Variants in NINL observed in about 807,000 individuals in gnomAD.
NINL encodes ninein like.
NINL carries 153 observed loss-of-function variants against 160.3 expected under a neutral mutation model. The observed-to-expected ratio is 0.95, with a 90% CI of 0.84 to 1.09. The LOEUF (loss-of-function observed/expected upper bound fraction) is 1.09, where lower values mean the gene tolerates loss of function less well. NINL is among the 50% of genes least tolerant of loss of function. The pLI is 0.00. For missense variants in NINL, 1,829 were observed against 1,764.0 expected, an observed-to-expected ratio of 1.04 and a Z score of -0.66; for synonymous variants, 800 against 734.8, an observed-to-expected ratio of 1.09 and a Z score of -1.43.
At chr20:25,539,175 C>A (rs528686046) in intron 1 of NINL, among the ~76,000 whole-genome samples, 49 of 152,314 alleles carry the variant, frequency 3.2e-4, no homozygotes, top group African/African-American at 1.1e-3. Flanking sequence ...GCTGGGACAG[C>A]AAAGATAAGG....
chr20:25,464,115 A>G (rs180785671), intron 19 of NINL, among the ~76,000 whole-genome samples: 48 of 152,278 alleles, frequency 3.2e-4, no homozygotes, highest in Non-Finnish European at 4.4e-4. Flanking sequence ...CACCTTTAAC[A>G]TTTAAACTCT....
intron 1 of NINL, among the ~76,000 whole-genome samples, chr20:25,550,655 C>T (rs1160825668): frequency 1.3e-5 from 2 of 152,078 alleles, no homozygotes; most frequent in African/African-American, 4.8e-5. Flanking sequence ...GGTGCTGTGC[C>T]TGGATGTGCA....
intron 13 of NINL, among the ~76,000 whole-genome samples, chr20:25,487,165 G>C (rs893552594): frequency 2.0e-5 from 3 of 152,146 alleles, no homozygotes; most frequent in African/African-American, 7.2e-5. Flanking sequence ...ATCATCACCC[G>C]TTCATATAGC....
chr20:25,575,577 C>T (rs1390809904), intron 1 of NINL, among the ~76,000 whole-genome samples: 3 of 151,940 alleles, frequency 2.0e-5, no homozygotes, highest in African/African-American at 2.4e-5. Flanking sequence ...ATGGTGAAAC[C>T]CCGTCTCTAC....
At chr20:25,463,286 C>T (rs779523542) in intron 19 of NINL, among the ~76,000 whole-genome samples, 10 of 152,006 alleles carry the variant, frequency 6.6e-5, no homozygotes, top group South Asian at 2.1e-4. Flanking sequence ...ATTTCCTCCA[C>T]GATTATTTTA....
intron 1 of NINL, among the ~76,000 whole-genome samples, chr20:25,530,668 G>A (rs1176330135): frequency 6.6e-6 from 1 of 152,098 alleles, no homozygotes; most frequent in Non-Finnish European, 1.5e-5. Context: ...GGCATCACAT[G>A]TTGGTAGGTT....
chr20:25,507,990 G>T (rs1486873384), intron 5 of NINL, among the ~76,000 whole-genome samples: 1 of 152,124 alleles, frequency 6.6e-6, no homozygotes, highest in African/African-American at 2.4e-5. Context: ...ACCTGGTTGG[G>T]GCAGAGAACA....
intron 1 of NINL, among the ~76,000 whole-genome samples, chr20:25,545,718 T>C (rs561985028): frequency 4.7e-4 from 71 of 152,204 alleles, no homozygotes; most frequent in Non-Finnish European, 8.2e-4. Context: ...ATAAGACAGA[T>C]AGCAAGCCCT....
Position 25,453,295 on chromosome 20 carries a change from G to A in NINL, c.*156C>T. On this transcript the variant is annotated 3_prime_UTR_variant, in exon 24 of 24. Coordinates refer to ENST00000278886, the MANE Select transcript of NINL (RefSeq NM_025176.6). ...CCAGCCCCCACCTCCATCTTGCCCA[G>A]GGCAGACCATTCATTAACTATCTGC... 1.6e-6 allele frequency: 1 copy of A among 621,288 alleles called. No homozygotes were observed. Among genetic ancestry groups the A allele is most frequent in the Non-Finnish European group, 2.6e-6 (1 of 383,914 alleles). The allele number at this position is 621,288 out of a possible 1,614,324, so 38.5% of individuals were successfully genotyped here. A position where few individuals can be genotyped will look rare whatever the true frequency, so the allele number is the denominator to read the frequency against.
In NINL at chr20:25,496,691, G is replaced by C; in HGVS notation, c.1282C>G (p.Leu428Val). Reference sequence around the variant, plus strand: ...ATTTTCTTCTCCGTGAGCTGCTCCAGGGTGGAGTGGCAGTCGTCCATCTCT... The same window carrying C: ...ATTTTCTTCTCCGTGAGCTGCTCCACGGTGGAGTGGCAGTCGTCCATCTCT... Reference protein sequence around the residue: ...VKEMDDCHSTLEQLTEKKIKH... With the variant: ...VKEMDDCHSTVEQLTEKKIKH... The change falls in exon 10 of 24, where the codon CTG becomes GTG. Residue 428 changes from leucine (L) to valine (V), a missense_variant. By Grantham distance (32) the Leu-to-Val change is conservative. Coordinates refer to ENST00000278886, the MANE Select transcript of NINL (RefSeq NM_025176.6). The C allele has an allele frequency of 6.2e-7, 1 of 1,614,112 alleles. No homozygotes were observed. Among genetic ancestry groups the C allele is most frequent in the South Asian group, 1.1e-5 (1 of 91,090 alleles).
chr20:25,552,980 G>A (rs1046534611), intron 1 of NINL, among the ~76,000 whole-genome samples: 15 of 152,210 alleles, frequency 9.9e-5, no homozygotes, highest in Non-Finnish European at 1.6e-4. Context: ...AGGCACTCAT[G>A]GAGTGGGGGT....
rs1016119079 is a variant in NINL at position 25,453,296 on chromosome 20, G to A, written c.*155C>T. ...CAGCCCCCACCTCCATCTTGCCCAG[G>A]GCAGACCATTCATTAACTATCTGCG... On this transcript the variant is annotated 3_prime_UTR_variant, in exon 24 of 24. Transcript: ENST00000278886. 3 of 622,980 alleles carry A rather than the reference G, an allele frequency of 4.8e-6. No individual in the cohort carries two copies. Among genetic ancestry groups the A allele is most frequent in the Non-Finnish European group, 5.2e-6 (2 of 385,500 alleles). The allele number at this position is 622,980 out of a possible 1,614,324, so 38.6% of individuals were successfully genotyped here. A position where few individuals can be genotyped will look rare whatever the true frequency, so the allele number is the denominator to read the frequency against.
At chr20:25,495,515 A>G (rs777366602) in intron 10 of NINL, among the ~76,000 whole-genome samples, 3 of 152,172 alleles carry the variant, frequency 2.0e-5, no homozygotes, top group Admixed American at 6.5e-5. Context: ...CGTGGGGACA[A>G]CAGGGCCAGG....
chr20:25,459,590 C>T (rs185125141), intron 21 of NINL, among the ~76,000 whole-genome samples: 65 of 152,276 alleles, frequency 4.3e-4, no homozygotes, highest in Admixed American at 3.8e-3. Flanking sequence ...TGCGGGACTC[C>T]CACGCATCAA....
intron 1 of NINL, among the ~76,000 whole-genome samples, chr20:25,570,428 GCT>G (rs886808043): frequency 1.6e-4 from 24 of 152,066 alleles, no homozygotes; most frequent in African/African-American, 5.1e-4. Flanking sequence ...CTCCTCGCTT[GCT>G]CTCTCATGCT....
chr20:25,458,389 T>C lies in NINL; in HGVS notation c.3837A>G (p.Ala1279=), dbSNP rs749018099. Residue 1279 remains alanine, a synonymous_variant, in exon 22 of 24, where the codon GCA becomes GCG. Transcript: ENST00000278886. Reference sequence around the variant, plus strand: ...TCGCTGCATCCCCACTTACCCGCTGTGCATCCAGGCGCCTCCTGGCCTGCT... The same window carrying C: ...TCGCTGCATCCCCACTTACCCGCTGCGCATCCAGGCGCCTCCTGGCCTGCT... ...QGEQARRRLD[A]QREEHEKQLK... is the part of the protein sequence containing the mutation. 1.2e-6 allele frequency: 2 copies of C among 1,606,356 alleles called. No homozygotes were observed. Among genetic ancestry groups the C allele is most frequent in the Non-Finnish European group, 1.7e-6 (2 of 1,179,978 alleles).
At chr20:25,530,358 C>T (rs990010411) in intron 1 of NINL, among the ~76,000 whole-genome samples, 1 of 152,166 alleles carries the variant, frequency 6.6e-6, no homozygotes, top group African/African-American at 2.4e-5. Flanking sequence ...CCCTGCCTCC[C>T]TCATTTTAAA....
At chr20:25,584,469 CAACAACAACAAG>C (rs1034870659) in intron 1 of NINL, among the ~76,000 whole-genome samples, 5 of 152,032 alleles carry the variant, frequency 3.3e-5, no homozygotes, top group East Asian at 1.9e-4. Context: ...TCAAAAACAG[CAACAACAACAAG>C]AACAACAACA....
intron 10 of NINL, among the ~76,000 whole-genome samples, chr20:25,494,124 C>T (rs1954886205): frequency 1.3e-5 from 2 of 148,916 alleles, no homozygotes; most frequent in African/African-American, 5.0e-5. Flanking sequence ...AGTACCCCCA[C>T]TACACCCCAC....
Sources: allele counts gnomAD v4.1 joint callset (sites outside exome capture counted in the v4.1 genomes callset), GRCh38; gene constraint gnomAD v4.1.1; transcripts MANE v1.5; gene names NCBI Gene and HGNC (gene_info 2026-07-23, HGNC 2026-07-21).